DDX50: variants seen among roughly 807,000 people sequenced by gnomAD.
The protein encoded by DDX50 is ATP-dependent RNA helicase DDX50.
DDX50 carries 56 observed loss-of-function variants against 94.8 expected under a neutral mutation model. The ratio of observed to expected loss-of-function variants is 0.59; its 90% confidence interval spans 0.48 to 0.74. The LOEUF (loss-of-function observed/expected upper bound fraction) is 0.74. Among genes scored for constraint, DDX50 ranks in the 30% least tolerant of loss-of-function variants. DDX50 has a pLI of 0.00. For synonymous variants in DDX50, 264 were observed against 295.4 expected (o/e 0.89, Z 1.09); for missense variants, 713 against 881.2 (o/e 0.81, Z 2.42).
chr10:68,944,776 A>G (rs1051817886), intron 14 of DDX50, among the ~76,000 whole-genome samples: 1 of 151,968 alleles, frequency 6.6e-6, no homozygotes, highest in Non-Finnish European at 1.5e-5. Flanking sequence ...TGATCTCTTG[A>G]CCTCATGATC....
At position 68,914,156 on chromosome 10, in the gene DDX50, G is replaced by T. The variant is rs746028072; in HGVS notation, c.1041G>T (p.Gln347His). The change falls in exon 7 of 15, where the codon CAG (glutamine) becomes CAT (histidine). Residue 347 changes from glutamine (Q) to histidine (H), a missense_variant. Gln to His is a conservative substitution (Grantham distance 24, BLOSUM62 0). This residue lies in a region of DDX50 where 428 missense variants were observed against 602.3 expected (regional missense o/e 0.71). Coordinates refer to ENST00000373585, the MANE Select transcript of DDX50 (RefSeq NM_024045.2). ...AKKYMKSRYE[Q>H]VDLVGKMTQK... is the part of the protein sequence containing the mutation. ...AATACATGAAATCCAGATATGAACA[G>T]GTTGACCTTGTTGGAAAAATGACTC... 1 of 1,611,442 alleles carries T rather than the reference G, an allele frequency of 6.2e-7. No homozygotes were observed. Among genetic ancestry groups the T allele is most frequent in the Admixed American group, 1.7e-5 (1 of 59,464 alleles).
intron 8 of DDX50, among the ~76,000 whole-genome samples, chr10:68,925,195 C>T (rs1340724145): frequency 6.7e-6 from 1 of 149,256 alleles, no homozygotes; most frequent in East Asian, 2.0e-4. Context: ...CCTCTGCCTC[C>T]CGGGTTCAAG....
At chr10:68,904,636 G>C (rs1841388396) in intron 1 of DDX50, among the ~76,000 whole-genome samples, 1 of 152,218 alleles carries the variant, frequency 6.6e-6, no homozygotes, top group Admixed American at 6.5e-5. Flanking sequence ...TGGGTCTAAA[G>C]TGGAATTATT....
intron 11 of DDX50, among the ~76,000 whole-genome samples, chr10:68,936,531 T>A (rs866008000): frequency 0.01 from 1,038 of 101,092 alleles, 7 homozygotes; most frequent in Non-Finnish European, 0.014. Flanking sequence ...TATATATATA[T>A]ATATATATAT....
intron 1 of DDX50, among the ~76,000 whole-genome samples, chr10:68,901,741 C>T (rs1471857442): frequency 6.6e-6 from 1 of 152,232 alleles, no homozygotes; most frequent in Non-Finnish European, 1.5e-5. Context: ...TGGGCAGACT[C>T]AAGCTCCCAT....
At chr10:68,913,076 A>T in intron 4 of DDX50, 86 bp from the exon 5 acceptor site, 1 of 1,037,954 alleles carries the variant, frequency 9.6e-7, no homozygotes, top group Non-Finnish European at 1.4e-6. Context: ...TCCTGGTTTT[A>T]AATGCACCTA....
Position 68,914,057 on chromosome 10 carries a change from A to G in DDX50, c.944-2A>G. The G allele has an allele frequency of 6.3e-7, 1 of 1,577,678 alleles. No homozygotes were observed. The highest frequency in any genetic ancestry group is 8.6e-7 in the Non-Finnish European group (1 of 1,169,050). ...CATTTGAATTCTTTTTGTTTATTTA[A>G]GATTCTGAAGACAATCCTCAGACTT... On this transcript the variant is annotated splice_acceptor_variant, in intron 6 of 14. Transcript: ENST00000373585. LOFTEE classifies it high-confidence loss of function.
chr10:68,907,935 A>C (rs1841505483), intron 2 of DDX50, among the ~76,000 whole-genome samples: 1 of 152,208 alleles, frequency 6.6e-6, no homozygotes, highest in African/African-American at 2.4e-5. Flanking sequence ...CAGGAATTCT[A>C]CTTAAAGGAA....
At chr10:68,923,834 A>G (rs1842005686) in intron 8 of DDX50, among the ~76,000 whole-genome samples, 1 of 150,070 alleles carries the variant, frequency 6.7e-6, no homozygotes, top group African/African-American at 2.5e-5. Flanking sequence ...GTGAGCCACC[A>G]TACCCGGCCA....
Position 68,937,658 on chromosome 10 carries a change from T to TCA in DDX50, c.1755+565_1755+566dup, listed in dbSNP as rs1842458264. ...TGGAGTGCAATTACGTGATCTTGGT[T>TCA]CACTGCAACCTCTCCCTCCCGGGTT... On this transcript the variant is annotated intron_variant, in intron 12 of 14. Coordinates refer to ENST00000373585, the MANE Select transcript of DDX50 (RefSeq NM_024045.2). Among the ~76,000 whole-genome samples the TCA allele has an allele frequency of 2.6e-5, 4 of 151,774 alleles. No homozygotes were observed. The South Asian group carries it at 8.3e-4, about 32-fold the overall frequency.
At chr10:68,907,115 C>CTAG in intron 2 of DDX50, 108 bp downstream of exon 2, 4 of 1,128,284 alleles carry the variant, frequency 3.5e-6, no homozygotes, top group Non-Finnish European at 5.0e-6. Flanking sequence ...TGATTAGTGT[C>CTAG]TAGTATTCTT....
chr10:68,936,784 T>C lies in DDX50; in HGVS notation c.1596-152T>C, dbSNP rs113077434. 1,192 of 639,258 alleles carry C rather than the reference T, an allele frequency of 1.9e-3. 16 individuals are homozygous for C. The African/African-American group carries it at 0.019, about 10-fold the overall frequency. 39.6% of individuals were successfully genotyped at this position (639,258 alleles called of 1,614,324 possible). Reference sequence around the variant, plus strand: ...TGAGCCCGGGAGGTTGAGGCTGCAGTGAGCCAAGATCGTGCCAGTGCGCTC... The same window carrying C: ...TGAGCCCGGGAGGTTGAGGCTGCAGCGAGCCAAGATCGTGCCAGTGCGCTC... On this transcript the variant is annotated intron_variant, in intron 11 of 14. Coordinates refer to ENST00000373585, the MANE Select transcript of DDX50 (RefSeq NM_024045.2).
At chr10:68,903,880 A>G (rs1441903509) in intron 1 of DDX50, among the ~76,000 whole-genome samples, 1 of 148,558 alleles carries the variant, frequency 6.7e-6, no homozygotes, top group African/African-American at 2.5e-5. Flanking sequence ...GGAGGCTGAG[A>G]TACAGGAATT....
intron 1 of DDX50, among the ~76,000 whole-genome samples, chr10:68,904,805 G>T (rs978673761): frequency 1.4e-4 from 21 of 152,240 alleles, no homozygotes; most frequent in African/African-American, 4.8e-5. Context: ...GGTTTGGAAA[G>T]ATGTGGTCTA....
At chr10:68,918,641 G>A (rs991278421) in intron 7 of DDX50, among the ~76,000 whole-genome samples, 2 of 151,238 alleles carry the variant, frequency 1.3e-5, no homozygotes, top group Non-Finnish European at 2.9e-5. Context: ...TCCCCAGGCT[G>A]GTCTCGAACT....
chr10:68,936,822 CAG>C, intron 11 of DDX50, 112 bp from the exon 12 acceptor site: 1 of 1,065,572 alleles, frequency 9.4e-7, no homozygotes, highest in Non-Finnish European at 1.3e-6. Context: ...GACTGGGTGA[CAG>C]AGCAAGGCTC....
At chr10:68,926,499 G>T in intron 8 of DDX50, among the ~76,000 whole-genome samples, 1 of 151,688 alleles carries the variant, frequency 6.6e-6, no homozygotes, top group South Asian at 2.1e-4. Context: ...GAGTTATATG[G>T]GATTTTATGG....
intron 8 of DDX50, among the ~76,000 whole-genome samples, chr10:68,922,026 A>C (rs1311635325): frequency 6.6e-6 from 1 of 152,192 alleles, no homozygotes; most frequent in Admixed American, 6.6e-5. Flanking sequence ...TAAAAGTTTC[A>C]ACAAAATTTT....
intron 2 of DDX50, among the ~76,000 whole-genome samples, chr10:68,908,204 A>G (rs1334150123): frequency 6.6e-6 from 1 of 152,152 alleles, no homozygotes; most frequent in Admixed American, 6.6e-5. Flanking sequence ...TAATCCCAGC[A>G]CTTTGGGAGG....
Sources: gnomAD v4.1 joint callset for allele counts (sites outside exome capture counted in the v4.1 genomes callset) on GRCh38, gnomAD v4.1.1 for gene constraint, gnomAD v4.1.1 regional missense constraint, MANE v1.5 for transcripts, NCBI Gene and HGNC (gene_info 2026-07-23, HGNC 2026-07-21) for gene names.